The following ANTXR1 variants were observed in gnomAD, a reference collection of about 807,000 sequenced individuals.
ANTXR1 encodes the protein anthrax toxin receptor 1.
A neutral mutation model predicts 78.1 loss-of-function variants in ANTXR1; 19 were observed. The ratio of observed to expected loss-of-function variants is 0.24; its 90% CI spans 0.17 to 0.36. The LOEUF is 0.36. ANTXR1 is among the 10% of genes least tolerant of loss of function. The pLI is 1.00. For synonymous variants in ANTXR1, 273 were observed against 260.5 expected (o/e 1.05, Z -0.46); for missense variants, 518 against 718.6 (o/e 0.72, Z 3.19).
intron 17 of ANTXR1, among the ~76,000 whole-genome samples, chr2:69,227,387 G>C (rs1195838174): frequency 6.6e-6 from 1 of 152,096 alleles, no homozygotes; most frequent in Non-Finnish European, 1.5e-5. Flanking sequence ...TGGTCAAAAA[G>C]TAAGAGGCTG....
chr2:69,124,809 G>A (rs1397699418), intron 12 of ANTXR1, among the ~76,000 whole-genome samples, 166 bp downstream of exon 12: 1 of 152,160 alleles, frequency 6.6e-6, no homozygotes, highest in East Asian at 1.9e-4. Flanking sequence ...AGGCTGGATT[G>A]GGGTGTGCTG....
intron 17 of ANTXR1, among the ~76,000 whole-genome samples, chr2:69,213,473 C>G (rs1675099260): frequency 6.6e-6 from 1 of 152,226 alleles, no homozygotes; most frequent in African/African-American, 2.4e-5. Flanking sequence ...ACCAGAGCTT[C>G]TATTTTTTCT....
intron 3 of ANTXR1, among the ~76,000 whole-genome samples, chr2:69,068,061 T>C (rs1399204576): frequency 6.6e-6 from 1 of 152,162 alleles, no homozygotes; most frequent in Non-Finnish European, 1.5e-5. Flanking sequence ...CCTCCTTCCA[T>C]ATGGCCAAGG....
At chr2:69,162,470 T>G (rs1006032852) in intron 13 of ANTXR1, among the ~76,000 whole-genome samples, 1 of 152,178 alleles carries the variant, frequency 6.6e-6, no homozygotes, top group African/African-American at 2.4e-5. Context: ...GAGAAAAAGT[T>G]TGGAAATGCT....
chr2:69,188,844 A>G (rs1258274641), intron 16 of ANTXR1, among the ~76,000 whole-genome samples: 1 of 152,236 alleles, frequency 6.6e-6, no homozygotes, highest in Non-Finnish European at 1.5e-5. Context: ...GAGACTGTTT[A>G]GAAGACTCTT....
intron 7 of ANTXR1, among the ~76,000 whole-genome samples, chr2:69,076,867 C>T (rs758981667): frequency 1.3e-5 from 2 of 152,256 alleles, no homozygotes; most frequent in African/African-American, 2.4e-5. Context: ...AGCCCTACAT[C>T]GGCTTCTCCT....
rs147915935 is a variant in ANTXR1 at position 69,091,517 on chromosome 2, C to T, written c.703+598C>T. ...TAATTAGAAGGGAATTGTAGAAATA[C>T]TGGATTCTTATACTGAATACTCAGT... On this transcript the variant is annotated intron_variant, in intron 9 of 17. Transcript: ENST00000303714. 3.4e-3 allele frequency among the ~76,000 whole-genome samples: 507 copies of T among 147,378 alleles called. 2 individuals are homozygous for T. Among genetic ancestry groups the T allele is most frequent in the African/African-American group, 0.012 (465 of 40,088 alleles).
At chr2:69,138,777 A>G (rs1301410502) in intron 12 of ANTXR1, among the ~76,000 whole-genome samples, 1 of 152,238 alleles carries the variant, frequency 6.6e-6, no homozygotes, top group Non-Finnish European at 1.5e-5. Context: ...AAGCACTTGA[A>G]TAAGTGACAA....
chr2:69,218,005 G>A (rs1192679805), intron 17 of ANTXR1, among the ~76,000 whole-genome samples: 3 of 152,160 alleles, frequency 2.0e-5, no homozygotes, highest in African/African-American at 2.4e-5. Context: ...CTCATGGACA[G>A]GTTCTTCAGG....
At chr2:69,135,531 T>C (rs1041737661) in intron 12 of ANTXR1, among the ~76,000 whole-genome samples, 2 of 152,040 alleles carry the variant, frequency 1.3e-5, no homozygotes, top group African/African-American at 4.8e-5. Flanking sequence ...ACAGAAAGAT[T>C]GAAAATAAAA....
chr2:69,179,351 G>A (rs929553220), intron 14 of ANTXR1, among the ~76,000 whole-genome samples: 26 of 151,926 alleles, frequency 1.7e-4, no homozygotes, highest in African/African-American at 5.3e-4. Context: ...GTTTGTGACC[G>A]GCCTGGGCAA....
chr2:69,032,420 G>T (rs1671555382), intron 1 of ANTXR1, among the ~76,000 whole-genome samples: 1 of 151,596 alleles, frequency 6.6e-6, no homozygotes, highest in Non-Finnish European at 1.5e-5. Context: ...CTGCTTTTGT[G>T]ATACGATATT....
intron 7 of ANTXR1, chr2:69,077,098 C>G (rs1319116349): frequency 7.3e-6 from 3 of 409,560 alleles, no homozygotes; most frequent in African/African-American, 6.0e-5. Flanking sequence ...GGCCTGTGCC[C>G]AAATTTATAA....
chr2:69,078,078 G>A (rs572310484), intron 8 of ANTXR1, among the ~76,000 whole-genome samples: 16 of 152,244 alleles, frequency 1.1e-4, no homozygotes, highest in African/African-American at 2.9e-4. Flanking sequence ...GGGTTTGCAC[G>A]GTCACCAGTC....
chr2:69,154,656 TG>T (rs1289286290), intron 13 of ANTXR1, among the ~76,000 whole-genome samples: 4 of 152,116 alleles, frequency 2.6e-5, no homozygotes, highest in African/African-American at 9.7e-5. Flanking sequence ...ACCCCAAGGG[TG>T]GGGAATGCCC....
At chr2:69,129,524 C>T (rs142474117) in intron 12 of ANTXR1, among the ~76,000 whole-genome samples, 7 of 151,980 alleles carry the variant, frequency 4.6e-5, no homozygotes, top group African/African-American at 7.3e-5. Context: ...GAGATTGAGG[C>T]GGGCAGTTCA....
At chr2:69,188,502 C>T (rs1674477271) in intron 16 of ANTXR1, among the ~76,000 whole-genome samples, 1 of 152,182 alleles carries the variant, frequency 6.6e-6, no homozygotes, top group Non-Finnish European at 1.5e-5. Context: ...TCCACTTTGC[C>T]TTTGTGAATT....
intron 17 of ANTXR1, among the ~76,000 whole-genome samples, chr2:69,232,405 A>G (rs1466760197): frequency 2.0e-5 from 3 of 152,014 alleles, no homozygotes; most frequent in African/African-American, 7.2e-5. Context: ...ATAAAAATCT[A>G]CAATTTAGCA....
chr2:69,039,253 A>G (rs908608128), intron 1 of ANTXR1, among the ~76,000 whole-genome samples: 1 of 152,190 alleles, frequency 6.6e-6, no homozygotes. Flanking sequence ...TATGAGCACT[A>G]TGGAAAATAT....
Sources: allele counts gnomAD v4.1 joint callset (sites outside exome capture counted in the v4.1 genomes callset), GRCh38; gene constraint gnomAD v4.1.1; transcripts MANE v1.5; gene names NCBI Gene and HGNC (gene_info 2026-07-23, HGNC 2026-07-21).